Variants in CAMK1D observed in about 807,000 individuals in gnomAD.
CAMK1D encodes the protein calcium/calmodulin-dependent protein kinase type 1D.
CAMK1D carries 9 observed loss-of-function variants against 47.7 expected under a neutral mutation model. That is an observed-to-expected ratio of 0.19 (90% confidence interval 0.11 to 0.33). The LOEUF is 0.33. CAMK1D is among the 10% of genes least tolerant of loss of function. The pLI, the probability that CAMK1D is intolerant of heterozygous loss-of-function variation, is 1.00. For missense variants in CAMK1D, 291 were observed against 488.7 expected (o/e 0.60, Z 3.81); for synonymous variants, 184 against 184.9 (o/e 0.99, Z 0.04).
At chr10:12,506,366 G>C (rs1834871683) in intron 1 of CAMK1D, among the ~76,000 whole-genome samples, 1 of 152,134 alleles carries the variant, frequency 6.6e-6, no homozygotes, top group Admixed American at 6.5e-5. Flanking sequence ...GTTGCAGTGA[G>C]CTGAGATTGC....
chr10:12,409,323 G>A (rs971849654), intron 1 of CAMK1D, among the ~76,000 whole-genome samples: 4 of 152,114 alleles, frequency 2.6e-5, no homozygotes. Context: ...TGGGCTCTGG[G>A]CTCTGAAAAT....
chr10:12,508,559 G>A (rs1273526872), intron 1 of CAMK1D, among the ~76,000 whole-genome samples: 3 of 152,230 alleles, frequency 2.0e-5, no homozygotes, highest in Non-Finnish European at 4.4e-5. Flanking sequence ...AATTCTGGAG[G>A]TGGACGGCGG....
chr10:12,667,072 G>A, intron 3 of CAMK1D: 1 of 388,456 alleles, frequency 2.6e-6, no homozygotes. Context: ...CCTTCCTGTT[G>A]CAGGGTGTCT....
chr10:12,531,223 G>GA (rs1180016493), intron 1 of CAMK1D, among the ~76,000 whole-genome samples: 1 of 152,268 alleles, frequency 6.6e-6, no homozygotes, highest in East Asian at 1.9e-4. Flanking sequence ...TTTTCATGGA[G>GA]AGACCATCGC....
At chr10:12,753,671 G>C (rs1454227432) in intron 3 of CAMK1D, among the ~76,000 whole-genome samples, 1 of 152,142 alleles carries the variant, frequency 6.6e-6, no homozygotes, top group Non-Finnish European at 1.5e-5. Flanking sequence ...AGGGGCCATC[G>C]CTGAACGCAC....
At chr10:12,737,303 T>C (rs1194473565) in intron 3 of CAMK1D, among the ~76,000 whole-genome samples, 1 of 152,100 alleles carries the variant, frequency 6.6e-6, no homozygotes, top group Non-Finnish European at 1.5e-5. Flanking sequence ...CATACCCCCA[T>C]TATTTCCCCT....
At chr10:12,647,697 C>T (rs909252126) in intron 2 of CAMK1D, among the ~76,000 whole-genome samples, 4 of 152,150 alleles carry the variant, frequency 2.6e-5, no homozygotes, top group Admixed American at 6.5e-5. Context: ...TGGCCATGAG[C>T]CAGCCATGCC....
intron 1 of CAMK1D, among the ~76,000 whole-genome samples, chr10:12,377,263 T>TA (rs1564301820): frequency 6.6e-6 from 1 of 152,184 alleles, no homozygotes; most frequent in African/African-American, 2.4e-5. Flanking sequence ...CTGAAACTTT[T>TA]AAAAAAAGTG....
chr10:12,777,448 CT>C (rs1320906576), intron 5 of CAMK1D, among the ~76,000 whole-genome samples: 3 of 145,748 alleles, frequency 2.1e-5, no homozygotes, highest in Non-Finnish European at 4.5e-5. Context: ...TCTCAGCTCA[CT>C]GCAACCTCTG....
chr10:12,792,261 G>A (rs1838009663), intron 6 of CAMK1D, among the ~76,000 whole-genome samples: 1 of 151,108 alleles, frequency 6.6e-6, no homozygotes, highest in South Asian at 2.1e-4. Context: ...CCATAGGCTT[G>A]TTGCAGTTAT....
chr10:12,493,278 C>T (rs972481530), intron 1 of CAMK1D, among the ~76,000 whole-genome samples: 1 of 152,100 alleles, frequency 6.6e-6, no homozygotes, highest in African/African-American at 2.4e-5. Context: ...TGAGACTGGG[C>T]AGGATTACCT....
At chr10:12,689,725 G>A (rs921221509) in intron 3 of CAMK1D, among the ~76,000 whole-genome samples, 5 of 151,200 alleles carry the variant, frequency 3.3e-5, no homozygotes, top group Admixed American at 6.6e-5. Flanking sequence ...GCGTTGAGCC[G>A]AGATCATACC....
At chr10:12,531,990 C>G (rs1016866174) in intron 1 of CAMK1D, among the ~76,000 whole-genome samples, 5 of 152,224 alleles carry the variant, frequency 3.3e-5, no homozygotes, top group African/African-American at 1.2e-4. Context: ...AGGTCCCTTA[C>G]CCGGCTCTTC....
At chr10:12,466,616 C>G (rs1833599465) in intron 1 of CAMK1D, among the ~76,000 whole-genome samples, 1 of 144,188 alleles carries the variant, frequency 6.9e-6, no homozygotes, top group Non-Finnish European at 1.5e-5. Context: ...TTTTAGAAGT[C>G]AATAGGTTTT....
chr10:12,349,865 C>G lies in CAMK1D; in HGVS notation c.47C>G (p.Ala16Gly). 6.5e-6 allele frequency: 10 copies of G among 1,548,696 alleles called. No individual in the cohort carries two copies. The highest frequency in any genetic ancestry group is 8.7e-6 in the Non-Finnish European group (10 of 1,147,304). Reference protein sequence around the residue: ...GESSSSWKKQAEDIKKIFEFK... With the variant: ...GESSSSWKKQGEDIKKIFEFK... Reference sequence around the variant, plus strand: ...AGCAGCTCCTCCTGGAAAAAGCAAGCTGAAGACATCAAGAAGATCTTCGAG... The same window carrying G: ...AGCAGCTCCTCCTGGAAAAAGCAAGGTGAAGACATCAAGAAGATCTTCGAG... The change falls in exon 1 of 11, where the codon GCT becomes GGT. Residue 16 changes from alanine (A) to glycine (G), a missense_variant. Around this residue, in one of 2 missense-constraint regions of CAMK1D, gnomAD observed 219 missense variants for 424.3 expected, o/e 0.52. Coordinates refer to ENST00000619168, the MANE Select transcript of CAMK1D (RefSeq NM_153498.4).
intron 2 of CAMK1D, among the ~76,000 whole-genome samples, chr10:12,653,863 T>C (rs779211939): frequency 3.3e-5 from 5 of 152,224 alleles, no homozygotes; most frequent in Non-Finnish European, 7.3e-5. Flanking sequence ...ATTATCTCGT[T>C]TGAATGAAAG....
chr10:12,547,831 A>T (rs1022948387), intron 1 of CAMK1D, among the ~76,000 whole-genome samples: 29 of 152,344 alleles, frequency 1.9e-4, no homozygotes, highest in African/African-American at 7.0e-4. Context: ...TGTGGGAACA[A>T]TAACAATTTA....
chr10:12,430,992 C>T (rs952572670), intron 1 of CAMK1D, among the ~76,000 whole-genome samples: 3 of 152,198 alleles, frequency 2.0e-5, no homozygotes, highest in African/African-American at 7.2e-5. Flanking sequence ...TCAAGTGATC[C>T]GCCCGCTTTG....
intron 6 of CAMK1D, among the ~76,000 whole-genome samples, chr10:12,807,507 G>T (rs2131057186): frequency 6.6e-6 from 1 of 152,286 alleles, no homozygotes; most frequent in South Asian, 2.1e-4. Flanking sequence ...CTGCCTCAGG[G>T]AGTTGGCTCA....
Sources: allele counts gnomAD v4.1 joint callset (sites outside exome capture counted in the v4.1 genomes callset), GRCh38; gene constraint gnomAD v4.1.1; regional missense constraint gnomAD v4.1.1; transcripts MANE v1.5; gene names NCBI Gene and HGNC (gene_info 2026-07-23, HGNC 2026-07-21).